Variants in BPTF observed in about 807,000 individuals in gnomAD.
BPTF encodes nucleosome-remodeling factor subunit BPTF.
A neutral mutation model predicts 292.5 loss-of-function variants in BPTF; 18 were observed. The observed-to-expected ratio is 0.06, with a 90% CI of 0.04 to 0.09. BPTF has a LOEUF of 0.09. Among genes scored for constraint, BPTF ranks in the 10% least tolerant of loss-of-function variants. The pLI is 1.00. For synonymous variants in BPTF, 1,225 were observed against 1,251.9 expected, an observed-to-expected ratio of 0.98 and a Z score of 0.45; for missense variants, 2,726 against 3,498.7, an observed-to-expected ratio of 0.78 and a Z score of 5.57.
Position 67,983,750 on chromosome 17 carries a change from C to T in BPTF, c.*1462C>T, listed in dbSNP as rs1555697955. The T allele has an allele frequency of 6.6e-6, 1 of 152,586 alleles. No homozygotes were observed. Among genetic ancestry groups the T allele is most frequent in the African/African-American group, 2.4e-5 (1 of 41,448 alleles). The allele number at this position is 152,586 out of a possible 1,614,324, so 9.5% of individuals were successfully genotyped here. On this transcript the variant is annotated 3_prime_UTR_variant, in exon 28 of 28. Coordinates refer to ENST00000306378, the MANE Select transcript of BPTF (RefSeq NM_182641.4). ...TTGCACTAACTCATATTAGCTTTGT[C>T]CTACCAACTTCTGGAATTTATCTAA...
chr17:67,882,232 G>T (rs1438577419), intron 4 of BPTF, among the ~76,000 whole-genome samples: 1 of 152,160 alleles, frequency 6.6e-6, no homozygotes, highest in East Asian at 1.9e-4. Flanking sequence ...AGAAGTCCTG[G>T]TTCCTTTTAA....
At chr17:67,858,555 CA>C (rs561316267) in intron 2 of BPTF, among the ~76,000 whole-genome samples, 14,550 of 77,848 alleles carry the variant, frequency 0.19, 392 homozygotes, top group East Asian at 0.47. Context: ...ACTCTGTCTC[CA>C]AAAAAAAAAA....
At chr17:67,867,944 G>A (rs936408457) in intron 3 of BPTF, among the ~76,000 whole-genome samples, 5 of 152,084 alleles carry the variant, frequency 3.3e-5, no homozygotes, top group Admixed American at 2.0e-4. Flanking sequence ...CACACTTAGC[G>A]GGTGAGGAGT....
chr17:67,856,882 C>CAA (rs1485166348), intron 2 of BPTF, among the ~76,000 whole-genome samples: 1 of 152,098 alleles, frequency 6.6e-6, no homozygotes, highest in Non-Finnish European at 1.5e-5. Flanking sequence ...CTCAGTTTAC[C>CAA]TCCTCTAGAG....
At chr17:67,981,658 G>A in intron 27 of BPTF, 1 of 999,810 alleles carries the variant, frequency 1.0e-6, no homozygotes, top group Non-Finnish European at 1.2e-6. Flanking sequence ...TTGGAATACT[G>A]TATTTATCTG....
chr17:67,869,542 A>ATAACCAACTGGATCAGGTTT (rs1175732949), intron 3 of BPTF, among the ~76,000 whole-genome samples: 2 of 152,226 alleles, frequency 1.3e-5, no homozygotes, highest in Non-Finnish European at 2.9e-5. Context: ...CTTCCTCTAA[A>ATAACCAACTGGATCAGGTTT]TAACCAACTG....
At chr17:67,828,411 C>T (rs1369422574) in intron 1 of BPTF, among the ~76,000 whole-genome samples, 2 of 152,120 alleles carry the variant, frequency 1.3e-5, no homozygotes, top group African/African-American at 2.4e-5. Context: ...AAGTCCTATT[C>T]GAAGGCATAG....
chr17:67,918,307 C>T (rs1240083553), intron 11 of BPTF, among the ~76,000 whole-genome samples: 1 of 152,150 alleles, frequency 6.6e-6, no homozygotes, highest in East Asian at 1.9e-4. Flanking sequence ...ATTTTTCCTT[C>T]AAAACTCCTT....
At chr17:67,897,606 G>A (rs2061539824) in intron 7 of BPTF, among the ~76,000 whole-genome samples, 1 of 152,090 alleles carries the variant, frequency 6.6e-6, no homozygotes, top group South Asian at 2.1e-4. Context: ...TTTGGGTGGG[G>A]GGAAGGGTTG....
At chr17:67,947,571 A>G (rs1311404346) in intron 21 of BPTF, among the ~76,000 whole-genome samples, 155 bp from the exon 22 acceptor site, 2 of 152,242 alleles carry the variant, frequency 1.3e-5, no homozygotes, top group African/African-American at 4.8e-5. Context: ...CACCCAGGCC[A>G]TCTGGTAGCT....
At chr17:67,889,984 T>C (rs1474785668) in intron 4 of BPTF, among the ~76,000 whole-genome samples, 2 of 152,206 alleles carry the variant, frequency 1.3e-5, no homozygotes, top group African/African-American at 4.8e-5. Context: ...AGGTGTGTTC[T>C]TTCTGTTTAA....
intron 18 of BPTF, among the ~76,000 whole-genome samples, chr17:67,938,960 T>C (rs767495681): frequency 5.3e-5 from 8 of 152,204 alleles, no homozygotes; most frequent in Non-Finnish European, 1.2e-4. Context: ...CTGTGATACA[T>C]GATACTATTT....
At chr17:67,964,868 G>A (rs370900317) in intron 25 of BPTF, among the ~76,000 whole-genome samples, 35 of 150,680 alleles carry the variant, frequency 2.3e-4, no homozygotes, top group Non-Finnish European at 3.0e-4. Context: ...GCGTGGTGGC[G>A]GGCGCCTGTA....
chr17:67,972,102 G>C (rs1341992144), intron 26 of BPTF, among the ~76,000 whole-genome samples: 1 of 152,096 alleles, frequency 6.6e-6, no homozygotes, highest in Non-Finnish European at 1.5e-5. Flanking sequence ...TAATAGGCCA[G>C]TGTTACCATT....
chr17:67,947,855 T>C (rs1668459786), intron 22 of BPTF, 47 bp downstream of exon 22: 3 of 1,507,558 alleles, frequency 2.0e-6, no homozygotes, highest in Non-Finnish European at 2.7e-6. Flanking sequence ...CTTCTCTTTA[T>C]CGTGCACACG....
rs782567198 is a variant in BPTF, at chr17:67,975,955, G to A, written c.8723G>A (p.Ser2908Asn). The A allele has an allele frequency of 1.9e-6, 3 of 1,609,956 alleles. No individual in the cohort carries two copies. Among genetic ancestry groups the A allele is most frequent in the Non-Finnish European group, 2.5e-6 (3 of 1,178,356 alleles). ...CAGAAATTGAAAGGCTTCAAAGCTAGCAGGTGAGCAGATGGGTTCGGTATT... is the reference window on the plus strand; with the variant it reads ...CAGAAATTGAAAGGCTTCAAAGCTAACAGGTGAGCAGATGGGTTCGGTATT... ...FVQKLKGFKA[S>N]RSHNNKLQST... is the part of the protein sequence containing the mutation. Residue 2908 changes from serine to asparagine, a missense_variant, in exon 27 of 28, where the codon AGC becomes AAC. Ser to Asn is a conservative substitution (Grantham distance 46). This residue lies in a region of BPTF where 21 missense variants were observed against 16.1 expected (regional missense o/e 1.30). Transcript: ENST00000306378.
intron 26 of BPTF, among the ~76,000 whole-genome samples, chr17:67,973,054 T>TTA (rs1480558621): frequency 3.0e-4 from 44 of 144,440 alleles, no homozygotes; most frequent in African/African-American, 7.8e-4. Flanking sequence ...TATATATATT[T>TTA]TATATATATA....
intron 1 of BPTF, among the ~76,000 whole-genome samples, chr17:67,841,386 G>C (rs1447658169): frequency 1.3e-5 from 2 of 152,038 alleles, no homozygotes; most frequent in Non-Finnish European, 2.9e-5. Flanking sequence ...TCCAGCCTAG[G>C]CAACAAGAGC....
At chr17:67,925,935 T>C (rs1263277902) in intron 15 of BPTF, among the ~76,000 whole-genome samples, 1 of 151,916 alleles carries the variant, frequency 6.6e-6, no homozygotes, top group Non-Finnish European at 1.5e-5. Flanking sequence ...CTAGTTGTAT[T>C]GTTTTTTATT....
Sources: allele counts gnomAD v4.1 joint callset (sites outside exome capture counted in the v4.1 genomes callset), GRCh38; gene constraint gnomAD v4.1.1; regional missense constraint gnomAD v4.1.1; transcripts MANE v1.5; gene names NCBI Gene and HGNC (gene_info 2026-07-23, HGNC 2026-07-21).